The following PSG6 variants were observed in gnomAD, a reference collection of about 807,000 sequenced individuals.
The protein encoded by PSG6 is pregnancy-specific beta-1-glycoprotein 6.
A neutral mutation model predicts 43.3 loss-of-function variants in PSG6; 51 were observed. The observed-to-expected ratio is 1.18, with a 90% CI of 0.94 to 1.49. The LOEUF is 1.49. Ranked by LOEUF, PSG6 falls within the 40% of genes most tolerant of loss-of-function variation. PSG6 has a pLI of 0.00. For missense variants in PSG6, 770 were observed against 522.2 expected (o/e 1.47, Z -4.62); for synonymous variants, 292 against 197.6 (o/e 1.48, Z -4.01).
chr19:42,910,376 C>T (rs1356329467), intron 3 of PSG6: 1 of 1,336,526 alleles, frequency 7.5e-7, no homozygotes, highest in Non-Finnish European at 1.0e-6. Flanking sequence ...CTGAGTCTCC[C>T]ATGACAGGAG....
In PSG6 at chr19:42,915,964, T is replaced by G. The variant is rs1168203448; in HGVS notation, c.427+161A>C. 5 of 1,193,074 alleles carry G rather than the reference T, an allele frequency of 4.2e-6. No homozygotes were observed. The East Asian group carries it at 1.2e-4, about 29-fold the overall frequency. The allele number at this position is 1,193,074 out of a possible 1,614,324, so 73.9% of individuals were successfully genotyped here. A position where few individuals can be genotyped will look rare whatever the true frequency, so the allele number is the denominator to read the frequency against. ...GGAAAGGAATTCTGATCTGTTGAAA[T>G]GTGTCTCCTCTGTGTGTGTCCTGCA... On this transcript the variant is annotated intron_variant, in intron 2 of 5. Transcript: ENST00000187910.
At chr19:42,911,978 G>A (rs1972235575) in intron 2 of PSG6, among the ~76,000 whole-genome samples, 2 of 151,584 alleles carry the variant, frequency 1.3e-5, no homozygotes, top group African/African-American at 2.4e-5. Context: ...GATCTCCTGT[G>A]CAGCCTCGTG....
intron 4 of PSG6, among the ~76,000 whole-genome samples, 157 bp from the exon 5 acceptor site, chr19:42,907,333 C>T (rs73550888): frequency 6.6e-6 from 1 of 151,826 alleles, no homozygotes; most frequent in South Asian, 2.1e-4. Flanking sequence ...TGAGGTATTC[C>T]CCTGTTTCTC....
rs1262530349 is a variant in PSG6, at chr19:42,917,859, G to A, written c.-67C>T. 8 of 1,559,614 alleles carry A rather than the reference G, an allele frequency of 5.1e-6. 1 individual carries two copies. The highest frequency in any genetic ancestry group is 6.1e-6 in the Non-Finnish European group (7 of 1,144,664). On this transcript the variant is annotated 5_prime_UTR_variant, in exon 1 of 6. Coordinates refer to ENST00000187910, the MANE Select transcript of PSG6 (RefSeq NM_001031850.4). ...TAGGATCCAGAGACTTCCTGAGCAG[G>A]GCTGTCAGGTGTGCTGTCCTTCCTC...
rs747958973 is a variant in PSG6, at chr19:42,910,365, C to T, written c.706+215G>A. On this transcript the variant is annotated intron_variant, in intron 3 of 5. Coordinates refer to ENST00000187910, the MANE Select transcript of PSG6 (RefSeq NM_001031850.4). ...GTTTCTTCCATCACAAGCTGTGGAA[C>T]CTGAGTCTCCCATGACAGGAGAAGC... 4.0e-6 allele frequency: 5 copies of T among 1,240,778 alleles called. 1 individual carries two copies. The East Asian group carries it at 1.2e-4, about 30-fold the overall frequency. The allele number at this position is 1,240,778 out of a possible 1,614,324, so 76.9% of individuals were successfully genotyped here.
At chr19:42,908,353 C>T (rs1207371467) in intron 3 of PSG6, among the ~76,000 whole-genome samples, 1 of 151,736 alleles carries the variant, frequency 6.6e-6, no homozygotes, top group Non-Finnish European at 1.5e-5. Context: ...TGGCCTGGGA[C>T]TGGATGTTTC....
intron 5 of PSG6, chr19:42,903,732 A>C: frequency 2.0e-6 from 3 of 1,521,764 alleles, no homozygotes; most frequent in Non-Finnish European, 1.8e-6. Context: ...CTACAAAAAA[A>C]AAAAAAACCA....
At chr19:42,902,952 A>G (rs748584928) in intron 5 of PSG6, among the ~76,000 whole-genome samples, 3 of 151,510 alleles carry the variant, frequency 2.0e-5, no homozygotes, top group African/African-American at 4.9e-5. Flanking sequence ...TGCACTTTCT[A>G]TGTGCCAGGC....
intron 3 of PSG6, among the ~76,000 whole-genome samples, chr19:42,909,334 C>T (rs1461045439): frequency 1.3e-5 from 2 of 151,542 alleles, no homozygotes; most frequent in African/African-American, 2.4e-5. Flanking sequence ...TTTTCTATGT[C>T]ATCAGAACTT....
chr19:42,917,415 G>T lies in PSG6; in HGVS notation c.64+314C>A, dbSNP rs371755485. On this transcript the variant is annotated intron_variant, in intron 1 of 5. Coordinates refer to ENST00000187910, the MANE Select transcript of PSG6 (RefSeq NM_001031850.4). ...GTCTCGTACTGTCACCCAGGCTGGC[G>T]TGCAGTGGTGCTGTCTCGGCTAGCT... Among the ~76,000 whole-genome samples the T allele has an allele frequency of 1.4e-4, 20 of 144,168 alleles. 1 individual carries two copies. The East Asian group carries it at 2.3e-3, about 16-fold the overall frequency. The allele number at this position is 144,168 out of a possible 152,430, so 94.6% of individuals were successfully genotyped here.
chr19:42,916,492 G>C lies in PSG6; in HGVS notation c.65-5C>G. ...TCCAGAAGTTTAAAAGTGATGCTAG[G>C]AGGTAGAGACAGCATCAGTTAATAT... On this transcript the variant is annotated splice_polypyrimidine_tract_variant and splice_region_variant and intron_variant, in intron 1 of 5. Transcript: ENST00000187910. 1 of 1,607,626 alleles carries C rather than the reference G, an allele frequency of 6.2e-7. No individual in the cohort carries two copies. The highest frequency in any genetic ancestry group is 1.1e-5 in the South Asian group (1 of 89,616).
chr19:42,909,245 T>C (rs533461990), intron 3 of PSG6, among the ~76,000 whole-genome samples: 1 of 151,636 alleles, frequency 6.6e-6, no homozygotes, highest in African/African-American at 2.4e-5. Flanking sequence ...TGGTGATTAG[T>C]TTTCGGTGAA....
chr19:42,902,559 G>T, intron 5 of PSG6, 113 bp from the exon 6 acceptor site: 3 of 1,457,418 alleles, frequency 2.1e-6, no homozygotes, highest in Admixed American at 2.0e-5. Flanking sequence ...CTAGTTCTCC[G>T]AGGCTCTCTT....
intron 5 of PSG6, chr19:42,903,611 C>T (rs2122615154): frequency 7.0e-7 from 1 of 1,421,176 alleles, no homozygotes; most frequent in Non-Finnish European, 9.2e-7. Flanking sequence ...AAAATGGACT[C>T]TGAGCATGGT....
Position 42,916,487 on chromosome 19 carries a change from G to A in PSG6, c.65C>T (p.Ala22Val), listed in dbSNP as rs1972336979. ...CAGGTTCCAGAAGTTTAAAAGTGAT[G>A]CTAGGAGGTAGAGACAGCATCAGTT... ...HITWKGLLLT[A>V]SLLNFWNLPT... The change falls in exon 2 of 6, where the codon GCA becomes GTA. Residue 22 changes from alanine to valine, a missense_variant and splice_region_variant. By Grantham distance (64) the Ala-to-Val change is moderately conservative (BLOSUM62 0). Coordinates refer to ENST00000187910, the MANE Select transcript of PSG6 (RefSeq NM_001031850.4). 2.5e-6 allele frequency: 4 copies of A among 1,608,682 alleles called. No homozygotes were observed. The highest frequency in any genetic ancestry group is 2.2e-5 in the East Asian group (1 of 44,744).
chr19:42,905,532 A>T (rs1425004794), intron 5 of PSG6, among the ~76,000 whole-genome samples: 1 of 151,670 alleles, frequency 6.6e-6, no homozygotes, highest in Non-Finnish European at 1.5e-5. Context: ...CAAAAAATTA[A>T]ACAATAAATT....
In PSG6 at chr19:42,910,872, A is replaced by G; in HGVS notation, c.428-14T>C. The G allele has an allele frequency of 3.8e-6, 6 of 1,596,538 alleles. No homozygotes were observed. Among genetic ancestry groups the G allele is most frequent in the Non-Finnish European group, 5.1e-6 (6 of 1,170,952 alleles). ...TGGGAGTCTCCGCTGTGCAGAAAAC[A>G]GAGAGAAGATTGCCCTGTGTGGCAC... On this transcript the variant is annotated splice_polypyrimidine_tract_variant and intron_variant, in intron 2 of 5. Coordinates refer to ENST00000187910, the MANE Select transcript of PSG6 (RefSeq NM_001031850.4).
intron 1 of PSG6, 95 bp downstream of exon 1, chr19:42,917,634 T>A: frequency 6.5e-7 from 1 of 1,545,398 alleles, no homozygotes; most frequent in South Asian, 1.1e-5. Flanking sequence ...AAGTGCTGGC[T>A]TCTTTTATTT....
chr19:42,911,488 A>AC (rs1390853715), intron 2 of PSG6, among the ~76,000 whole-genome samples: 3 of 151,436 alleles, frequency 2.0e-5, no homozygotes, highest in Admixed American at 2.0e-4. Context: ...TGAGCCAATG[A>AC]CTCTAAAGAT....
Sources: allele counts gnomAD v4.1 joint callset (sites outside exome capture counted in the v4.1 genomes callset), GRCh38; gene constraint gnomAD v4.1.1; transcripts MANE v1.5; gene names NCBI Gene and HGNC (gene_info 2026-07-23, HGNC 2026-07-21).